RBFOX1: variants seen among roughly 807,000 people sequenced by gnomAD.
The protein encoded by RBFOX1 is RNA binding protein fox-1 homolog 1.
A neutral mutation model predicts 57.7 loss-of-function variants in RBFOX1; 8 were observed. That is an observed-to-expected ratio of 0.14 (90% CI 0.08 to 0.25). The LOEUF (loss-of-function observed/expected upper bound fraction) is 0.25, where lower values mean the gene tolerates loss of function less well. Among genes scored for constraint, RBFOX1 ranks in the 10% least tolerant of loss-of-function variants. The pLI, the probability that RBFOX1 is intolerant of heterozygous loss-of-function variation, is 1.00. For synonymous variants in RBFOX1, 326 were observed against 222.4 expected, an observed-to-expected ratio of 1.47 and a Z score of -4.15; for missense variants, 611 against 548.5, an observed-to-expected ratio of 1.11 and a Z score of -1.14.
intron 4 of RBFOX1, among the ~76,000 whole-genome samples, chr16:7,342,114 G>T (rs1449545743): frequency 6.6e-6 from 1 of 152,136 alleles, no homozygotes; most frequent in Non-Finnish European, 1.5e-5. Flanking sequence ...AATTTGAAAA[G>T]AACAGGATTT....
Position 6,841,549 on chromosome 16 carries a change from T to C in RBFOX1, c.-16+186899T>C, listed in dbSNP as rs183218269. On this transcript the variant is annotated intron_variant, in intron 3 of 15. Transcript: ENST00000550418. ...CCTAACCTCACGCTAATGAGGCGAG[T>C]ATTACCACAGGCCCTTTCTCCTACG... Among the ~76,000 whole-genome samples the C allele has an allele frequency of 1.1e-4, 17 of 152,136 alleles. No homozygotes were observed. In the East Asian group the frequency reaches 3.3e-3, roughly 29 times the overall value.
intron 2 of RBFOX1, among the ~76,000 whole-genome samples, chr16:6,509,460 C>G (rs1021802598): frequency 6.6e-6 from 1 of 152,092 alleles, no homozygotes; most frequent in African/African-American, 2.4e-5. Flanking sequence ...CATGTTCTTG[C>G]TTATTTGTGG....
chr16:6,907,729 C>T (rs1302998900), intron 3 of RBFOX1, among the ~76,000 whole-genome samples: 1 of 151,880 alleles, frequency 6.6e-6, no homozygotes, highest in African/African-American at 2.4e-5. Context: ...CACCACCATG[C>T]TTGGCTTATT....
chr16:7,667,394 A>AAT (rs2069709907), intron 13 of RBFOX1, among the ~76,000 whole-genome samples: 1 of 152,212 alleles, frequency 6.6e-6, no homozygotes, highest in South Asian at 2.1e-4. Flanking sequence ...CCTAGCTAGA[A>AAT]ATATATCATA....
chr16:6,428,727 A>C (rs2093997325), intron 2 of RBFOX1, among the ~76,000 whole-genome samples: 2 of 152,354 alleles, frequency 1.3e-5, no homozygotes, highest in Middle Eastern at 6.8e-3. Flanking sequence ...GGGCTACGTA[A>C]ACAAAATATA....
chr16:6,861,947 T>A (rs978928629), intron 3 of RBFOX1, among the ~76,000 whole-genome samples: 1 of 148,010 alleles, frequency 6.8e-6, no homozygotes, highest in Non-Finnish European at 1.5e-5. Flanking sequence ...CAAACAGAAC[T>A]GGTTTGGAAT....
intron 4 of RBFOX1, among the ~76,000 whole-genome samples, chr16:7,214,379 C>G (rs961683312): frequency 1.3e-5 from 2 of 152,232 alleles, no homozygotes; most frequent in South Asian, 2.1e-4. Context: ...GGTGCTCAAG[C>G]TAAACACTTC....
At chr16:6,625,660 G>T (rs940090100) in intron 2 of RBFOX1, among the ~76,000 whole-genome samples, 1 of 144,306 alleles carries the variant, frequency 6.9e-6, no homozygotes, top group East Asian at 2.3e-4. Flanking sequence ...CCCGCCCCAA[G>T]AAATGCAGAG....
chr16:7,515,336 A>C (rs2076126006), intron 4 of RBFOX1, among the ~76,000 whole-genome samples: 1 of 151,936 alleles, frequency 6.6e-6, no homozygotes, highest in Non-Finnish European at 1.5e-5. Flanking sequence ...AATGAGACAA[A>C]GGGTACAAAG....
intron 3 of RBFOX1, among the ~76,000 whole-genome samples, chr16:7,049,446 T>C (rs1364521242): frequency 6.6e-6 from 1 of 150,976 alleles, no homozygotes; most frequent in Non-Finnish European, 1.5e-5. Flanking sequence ...CACAAACTTT[T>C]AAAAAGAAAG....
In RBFOX1 at chr16:5,369,346, C is replaced by G. The variant is rs1387206039; in HGVS notation, c.220-97870C>G. On this transcript the variant is annotated intron_variant, in intron 1 of 2. Transcript: ENST00000585867. ...AAATAAGCAACATTTCTACCTGTCC[C>G]TTAGCCGTCTTTATCCTCGTGATGT... Among the ~76,000 whole-genome samples, 5 of 152,196 alleles carry G rather than the reference C, an allele frequency of 3.3e-5. No individual in the cohort carries two copies. The East Asian group carries it at 9.6e-4, about 29-fold the overall frequency.
chr16:6,723,643 AT>A (rs2066492528), intron 3 of RBFOX1: 1 of 152,224 alleles, frequency 6.6e-6, no homozygotes, highest in African/African-American at 2.4e-5. Flanking sequence ...TAATTTTACG[AT>A]TTGCATATAT....
chr16:6,997,665 T>C (rs1269433070), intron 3 of RBFOX1, among the ~76,000 whole-genome samples: 1 of 152,198 alleles, frequency 6.6e-6, no homozygotes, highest in Non-Finnish European at 1.5e-5. Flanking sequence ...CAGGGTATTG[T>C]TCGGTTTCTT....
intron 1 of RBFOX1, among the ~76,000 whole-genome samples, chr16:6,188,127 T>G (rs1038869987): frequency 5.9e-5 from 9 of 152,168 alleles, no homozygotes; most frequent in African/African-American, 1.9e-4. Flanking sequence ...TTGTAAGTTT[T>G]GCATCCCATG....
At chr16:5,887,708 T>C (rs932500205) in intron 4 of RBFOX1, among the ~76,000 whole-genome samples, 2 of 152,096 alleles carry the variant, frequency 1.3e-5, no homozygotes, top group African/African-American at 4.8e-5. Context: ...CTGGCCTCCT[T>C]TCTCCTGTTT....
intron 3 of RBFOX1, among the ~76,000 whole-genome samples, chr16:6,713,902 T>A (rs75210348): frequency 6.6e-6 from 1 of 152,156 alleles, no homozygotes; most frequent in Non-Finnish European, 1.5e-5. Context: ...CAGGAAGATA[T>A]CATCCTTTTC....
In RBFOX1 at chr16:5,515,582, C is replaced by T. The variant is rs185814860; in HGVS notation, c.258+48328C>T. Among the ~76,000 whole-genome samples, 516 of 152,346 alleles carry T rather than the reference C, an allele frequency of 3.4e-3. 2 individuals carry two copies. The highest frequency in any genetic ancestry group is 0.01 in the Middle Eastern group (3 of 294). Reference sequence around the variant, plus strand: ...GAGATATTGGAAGATGTATTTCCTTCATTACTACCTAATGGAAAATCCTTA... The same window carrying T: ...GAGATATTGGAAGATGTATTTCCTTTATTACTACCTAATGGAAAATCCTTA... On this transcript the variant is annotated intron_variant, in intron 2 of 2. Transcript: ENST00000585867.
intron 4 of RBFOX1, among the ~76,000 whole-genome samples, chr16:7,144,211 G>A (rs1201248707): frequency 1.3e-5 from 2 of 152,056 alleles, no homozygotes; most frequent in African/African-American, 4.8e-5. Context: ...TCCTCTTAAA[G>A]ATTTCCTCAT....
intron 3 of RBFOX1, among the ~76,000 whole-genome samples, chr16:6,973,640 T>A (rs1292447918): frequency 6.6e-6 from 1 of 152,156 alleles, no homozygotes; most frequent in Non-Finnish European, 1.5e-5. Context: ...ACATTTTTTT[T>A]AAAGCTGGAC....
Sources: gnomAD v4.1 joint callset for allele counts (sites outside exome capture counted in the v4.1 genomes callset) on GRCh38, gnomAD v4.1.1 for gene constraint, MANE v1.5 for transcripts, NCBI Gene and HGNC (gene_info 2026-07-23, HGNC 2026-07-21) for gene names.